Variants in MALRD1 observed in about 807,000 individuals in gnomAD.
MALRD1 encodes the protein MAM and LDL-receptor class A domain-containing protein 1.
Under a neutral mutation model 242.1 loss-of-function variants are expected in MALRD1, and 247 were observed. The observed-to-expected ratio is 1.02, with a 90% CI of 0.92 to 1.13. The LOEUF is 1.13. Ranked by LOEUF, MALRD1 falls within the 50% of genes most tolerant of loss-of-function variation. The pLI is 0.00. For missense variants in MALRD1, 2,989 were observed against 2,533.1 expected, an observed-to-expected ratio of 1.18 and a Z score of -3.86; for synonymous variants, 995 against 866.6, an observed-to-expected ratio of 1.15 and a Z score of -2.60.
At chr10:19,414,429 T>A (rs1277202152) in intron 28 of MALRD1, among the ~76,000 whole-genome samples, 2 of 152,162 alleles carry the variant, frequency 1.3e-5, no homozygotes, top group Non-Finnish European at 2.9e-5. Context: ...ATCCTAAGTT[T>A]TTTATTTGAG....
At chr10:19,587,205 G>A (rs972956627) in intron 33 of MALRD1, among the ~76,000 whole-genome samples, 1 of 152,210 alleles carries the variant, frequency 6.6e-6, no homozygotes, top group Non-Finnish European at 1.5e-5. Context: ...CTCACGCTAG[G>A]AGCTGTAGAC....
intron 19 of MALRD1, among the ~76,000 whole-genome samples, chr10:19,279,208 A>G (rs1170994163): frequency 6.6e-6 from 1 of 152,210 alleles, no homozygotes; most frequent in Non-Finnish European, 1.5e-5. Flanking sequence ...ACTGGGCCCA[A>G]GGAACACAAA....
At chr10:19,172,609 T>G (rs1359872343) in intron 13 of MALRD1, among the ~76,000 whole-genome samples, 3 of 151,350 alleles carry the variant, frequency 2.0e-5, no homozygotes, top group Non-Finnish European at 4.4e-5. Flanking sequence ...CCCATTCCAT[T>G]CAAATAATGT....
At chr10:19,603,496 A>T (rs1241981527) in intron 34 of MALRD1, among the ~76,000 whole-genome samples, 1 of 152,068 alleles carries the variant, frequency 6.6e-6, no homozygotes, top group Non-Finnish European at 1.5e-5. Context: ...CAAAGATCAG[A>T]TGGTTGTAGA....
chr10:19,469,072 T>G (rs1295642123), intron 29 of MALRD1, among the ~76,000 whole-genome samples: 1 of 152,122 alleles, frequency 6.6e-6, no homozygotes, highest in Non-Finnish European at 1.5e-5. Context: ...GCAGACCAAT[T>G]AAATCATTCT....
rs139598787 is a variant in MALRD1 at position 19,540,654 on chromosome 10, A to T, written c.5478+9303A>T. On this transcript the variant is annotated intron_variant, in intron 32 of 39. Transcript: ENST00000454679. ...ATTCTCATGAGATGTTACTATATAG[A>T]CGAGGACCCAGCCCATCTCATAGTT... Among the ~76,000 whole-genome samples the T allele has an allele frequency of 3.2e-4, 49 of 152,250 alleles. No homozygotes were observed. The East Asian group carries it at 8.5e-3, about 26-fold the overall frequency.
chr10:19,138,556 G>A lies in MALRD1; in HGVS notation c.1411+1775G>A, dbSNP rs183935590. ...CTGTCTCGGCCTCCAGAGTAGCTGG[G>A]ATTACAAGCATGTGCCACCATACCC... On this transcript the variant is annotated intron_variant, in intron 10 of 39. Coordinates refer to ENST00000454679, the MANE Select transcript of MALRD1 (RefSeq NM_001142308.3). 2.5e-3 allele frequency among the ~76,000 whole-genome samples: 386 copies of A among 151,968 alleles called. 6 individuals are homozygous for A. The highest frequency in any genetic ancestry group is 5.4e-4 in the Non-Finnish European group (37 of 67,948).
At chr10:19,355,879 T>C (rs2131012454) in intron 26 of MALRD1, among the ~76,000 whole-genome samples, 1 of 87,606 alleles carries the variant, frequency 1.1e-5, no homozygotes, top group South Asian at 3.2e-4. Context: ...ATATATTAGC[T>C]AAGCATATAT....
Position 19,638,101 on chromosome 10 carries a change from C to CAAAA in MALRD1, c.6137+22202_6137+22205dup, listed in dbSNP as rs56865342. On this transcript the variant is annotated intron_variant, in intron 36 of 39. Transcript: ENST00000454679. ...GGGCAACAAGAGAGAAACTCACTCTCAAAAAAAAAAAAAAAAAAAAAAAAA... is the reference window on the plus strand; with the variant it reads ...GGGCAACAAGAGAGAAACTCACTCTCAAAAAAAAAAAAAAAAAAAAAAAAAAAAA... 5.7e-3 allele frequency among the ~76,000 whole-genome samples: 239 copies of CAAAA among 41,902 alleles called. 10 individuals carry two copies. The highest frequency in any genetic ancestry group is 0.013 in the African/African-American group (208 of 16,138). 27.5% of individuals were successfully genotyped at this position (41,902 alleles called of 152,430 possible).
intron 21 of MALRD1, among the ~76,000 whole-genome samples, chr10:19,315,759 T>C (rs933322605): frequency 8.5e-5 from 12 of 140,938 alleles, no homozygotes; most frequent in Admixed American, 8.2e-4. Flanking sequence ...TAATATGTAA[T>C]ATATATGTAT....
chr10:19,175,566 T>C (rs1477079697), intron 14 of MALRD1, among the ~76,000 whole-genome samples: 3 of 150,822 alleles, frequency 2.0e-5, no homozygotes, highest in African/African-American at 7.3e-5. Context: ...GCTGAAATTA[T>C]TGCATCCAAA....
chr10:19,638,819 C>T (rs566260568), intron 36 of MALRD1, among the ~76,000 whole-genome samples: 7 of 152,308 alleles, frequency 4.6e-5, no homozygotes, highest in African/African-American at 1.7e-4. Context: ...GGAGCTCAGA[C>T]TCAAACCATA....
intron 28 of MALRD1, among the ~76,000 whole-genome samples, chr10:19,433,894 A>G (rs1010247582): frequency 2.9e-4 from 44 of 151,982 alleles, no homozygotes; most frequent in African/African-American, 9.6e-4. Context: ...ACACACGCGC[A>G]CACACACACA....
At chr10:19,669,761 GTAA>G (rs1347270184) in intron 36 of MALRD1, among the ~76,000 whole-genome samples, 1 of 152,160 alleles carries the variant, frequency 6.6e-6, no homozygotes, top group South Asian at 2.1e-4. Context: ...TATTTATGTA[GTAA>G]TAATGTTATA....
chr10:19,340,865 C>G (rs1843816540), intron 24 of MALRD1, among the ~76,000 whole-genome samples: 1 of 152,094 alleles, frequency 6.6e-6, no homozygotes, highest in Non-Finnish European at 1.5e-5. Context: ...GCATCAGCAT[C>G]TTTGCCAGCA....
intron 14 of MALRD1, among the ~76,000 whole-genome samples, chr10:19,196,851 C>T (rs1836284522): frequency 6.6e-6 from 1 of 152,246 alleles, no homozygotes; most frequent in South Asian, 2.1e-4. Flanking sequence ...CATACTACAC[C>T]TTTGATATCA....
chr10:19,398,711 G>T (rs1252177094), intron 28 of MALRD1, among the ~76,000 whole-genome samples: 2 of 152,094 alleles, frequency 1.3e-5, no homozygotes, highest in Non-Finnish European at 2.9e-5. Flanking sequence ...ATTTTATGAG[G>T]ACATCTATCT....
chr10:19,058,470 G>A (rs1285129194), intron 1 of MALRD1, among the ~76,000 whole-genome samples: 2 of 152,112 alleles, frequency 1.3e-5, no homozygotes, highest in East Asian at 1.9e-4. Context: ...TTCAAAATAT[G>A]TTTGTTGAAT....
chr10:19,549,669 C>T (rs975740014), intron 32 of MALRD1, among the ~76,000 whole-genome samples: 10 of 152,240 alleles, frequency 6.6e-5, no homozygotes, highest in African/African-American at 1.9e-4. Flanking sequence ...TCTGGGAAAC[C>T]GAAAGATTTT....
Sources: allele counts gnomAD v4.1 joint callset (sites outside exome capture counted in the v4.1 genomes callset), GRCh38; gene constraint gnomAD v4.1.1; transcripts MANE v1.5; gene names NCBI Gene and HGNC (gene_info 2026-07-23, HGNC 2026-07-21).